The following YAP1 variants were observed in gnomAD, a reference collection of about 807,000 sequenced individuals.
YAP1 encodes the protein Yes1 associated transcriptional regulator, also known as transcriptional coactivator YAP1.
In YAP1, 5 loss-of-function variants were observed where a neutral mutation model predicts 56.9. The ratio of observed to expected loss-of-function variants is 0.09; its 90% confidence interval spans 0.05 to 0.18. The LOEUF is 0.18. YAP1 is among the 10% of genes least tolerant of loss of function. The pLI is 1.00. For missense variants in YAP1, 539 were observed against 651.8 expected (o/e 0.83, Z 1.88); for synonymous variants, 265 against 248.1 (o/e 1.07, Z -0.64).
chr11:102,129,118 A>G lies in YAP1; in HGVS notation c.572+14724A>G, dbSNP rs117065739. ...CAGTATACTGCATAAGTTAACCCTG[A>G]GATGTGTTTAACTGAGTTTTATCTC... On this transcript the variant is annotated intron_variant, in intron 2 of 8. Coordinates refer to ENST00000282441, the MANE Select transcript of YAP1 (RefSeq NM_001130145.3). 8.8e-3 allele frequency among the ~76,000 whole-genome samples: 1,343 copies of G among 152,290 alleles called. 8 individuals are homozygous for G. The highest frequency in any genetic ancestry group is 0.013 in the Non-Finnish European group (884 of 68,006).
chr11:102,122,907 A>AAAAAAAAAAAAAAAAAAAAAC (rs1943763336), intron 2 of YAP1, among the ~76,000 whole-genome samples: 1 of 150,868 alleles, frequency 6.6e-6, no homozygotes, highest in African/African-American at 2.4e-5. Flanking sequence ...AAAAAAAAAA[A>AAAAAAAAAAAAAAAAAAAAAC]AAAAAAAAAG....
intron 2 of YAP1, among the ~76,000 whole-genome samples, chr11:102,122,141 C>G (rs1225021917): frequency 6.6e-6 from 1 of 152,138 alleles, no homozygotes; most frequent in Non-Finnish European, 1.5e-5. Flanking sequence ...GAAAGGGGGC[C>G]TGGCGCAGTG....
chr11:102,144,867 C>T (rs1945232158), intron 2 of YAP1, among the ~76,000 whole-genome samples: 1 of 104,496 alleles, frequency 9.6e-6, no homozygotes, highest in Non-Finnish European at 2.4e-5. Context: ...CACACACACA[C>T]ACACACACAC....
At chr11:102,211,035 G>A (rs999226781) in intron 6 of YAP1, among the ~76,000 whole-genome samples, 8 of 152,158 alleles carry the variant, frequency 5.3e-5, no homozygotes, top group African/African-American at 1.4e-4. Flanking sequence ...GATTACAGGC[G>A]TGAGCCACCA....
rs1168165095 is a variant in YAP1, at chr11:102,231,700, T to A, written c.*1760T>A. Reference sequence around the variant, plus strand: ...GGTTGTGAATTAAAGTGGCACCAGCTAGCACCTCTGTGTTTTAAGGGTCTT... The same window carrying A: ...GGTTGTGAATTAAAGTGGCACCAGCAAGCACCTCTGTGTTTTAAGGGTCTT... On this transcript the variant is annotated 3_prime_UTR_variant, in exon 9 of 9. Coordinates refer to ENST00000282441, the MANE Select transcript of YAP1 (RefSeq NM_001130145.3). The A allele has an allele frequency of 2.6e-5, 4 of 152,734 alleles. No individual in the cohort carries two copies. The highest frequency in any genetic ancestry group is 7.2e-5 in the African/African-American group (3 of 41,580). 9.5% of individuals were successfully genotyped at this position (152,734 alleles called of 1,614,324 possible).
At position 102,229,749 on chromosome 11, in the gene YAP1, C is replaced by G. The variant is rs768607921; in HGVS notation, c.1324C>G (p.Pro442Ala). 3 of 1,614,128 alleles carry G rather than the reference C, an allele frequency of 1.9e-6. No homozygotes were observed. The highest frequency in any genetic ancestry group is 1.6e-4 in the Middle Eastern group (1 of 6,062). Residue 442 changes from proline (P) to alanine (A), a missense_variant, in exon 9 of 9, where the codon CCA (proline) becomes GCA (alanine). Physicochemically the swap from Pro to Ala is conservative, Grantham distance 27 (BLOSUM62 -1). Transcript: ENST00000282441. ...CCTGCCCTCACAGCAGAACCGTTTC[C>G]CAGACTACCTTGAAGCCATTCCTGG... ...STLPSQQNRF[P>A]DYLEAIPGTN... is the part of the protein sequence containing the mutation.
chr11:102,196,205 TTGGGAACGTATGTCTCCACGTTG>T (rs764149115), intron 4 of YAP1, among the ~76,000 whole-genome samples: 65 of 152,204 alleles, frequency 4.3e-4, no homozygotes, highest in Non-Finnish European at 7.8e-4. Flanking sequence ...GGCTAAAGAA[TTGGGAACGTATGTCTCCACGTTG>T]TGGGAACGTA....
At chr11:102,122,848 G>C (rs907387818) in intron 2 of YAP1, among the ~76,000 whole-genome samples, 4 of 133,142 alleles carry the variant, frequency 3.0e-5, no homozygotes, top group Non-Finnish European at 6.2e-5. Flanking sequence ...AGTGAATCGA[G>C]ATCGAGCATT....
intron 2 of YAP1, among the ~76,000 whole-genome samples, chr11:102,149,499 A>G (rs1319666928): frequency 6.6e-6 from 1 of 152,218 alleles, no homozygotes; most frequent in Non-Finnish European, 1.5e-5. Context: ...AAAGACTAAC[A>G]TCAGTTATGT....
At chr11:102,199,304 G>C (rs950060561) in intron 4 of YAP1, among the ~76,000 whole-genome samples, 11 of 152,118 alleles carry the variant, frequency 7.2e-5, no homozygotes, top group African/African-American at 2.7e-4. Flanking sequence ...GACTCTAAAG[G>C]CTGTGTTTTT....
intron 2 of YAP1, among the ~76,000 whole-genome samples, chr11:102,121,697 G>A (rs1943664511): frequency 1.3e-5 from 2 of 152,188 alleles, no homozygotes; most frequent in Admixed American, 1.3e-4. Flanking sequence ...GCTGTTTCAA[G>A]CATCCACTGT....
intron 3 of YAP1, among the ~76,000 whole-genome samples, chr11:102,168,961 G>T (rs931037166): frequency 6.6e-6 from 1 of 152,160 alleles, no homozygotes; most frequent in Non-Finnish European, 1.5e-5. Context: ...GGTAATTCCT[G>T]CTTTATGTGC....
chr11:102,189,016 G>T (rs1948137711), intron 4 of YAP1, among the ~76,000 whole-genome samples: 2 of 152,042 alleles, frequency 1.3e-5, no homozygotes, highest in Admixed American at 6.5e-5. Context: ...ACATCAGATG[G>T]CAATAAGGAT....
chr11:102,220,876 A>G (rs774210955), intron 6 of YAP1, among the ~76,000 whole-genome samples: 1 of 152,222 alleles, frequency 6.6e-6, no homozygotes, highest in Non-Finnish European at 1.5e-5. Context: ...CATTTCAACA[A>G]TGGGTTATTA....
At chr11:102,158,899 T>C (rs531958520) in intron 2 of YAP1, among the ~76,000 whole-genome samples, 2 of 152,336 alleles carry the variant, frequency 1.3e-5, no homozygotes, top group South Asian at 4.1e-4. Flanking sequence ...ATCAAGAATT[T>C]GAAGTGTGTT....
In YAP1 at chr11:102,223,600, C is replaced by T. The variant is rs200209999; in HGVS notation, c.1033-22C>T. The T allele has an allele frequency of 1.2e-4, 196 of 1,609,108 alleles. No individual in the cohort carries two copies. The African/African-American group carries it at 2.3e-3, about 19-fold the overall frequency. Reference sequence around the variant, plus strand: ...ATGTGTTAATCAGTAGATTGATTCTCTTTGGCTTTATTTTTAATTAGGAGT... The same window carrying T: ...ATGTGTTAATCAGTAGATTGATTCTTTTTGGCTTTATTTTTAATTAGGAGT... On this transcript the variant is annotated intron_variant, in intron 6 of 8. Coordinates refer to ENST00000282441, the MANE Select transcript of YAP1 (RefSeq NM_001130145.3).
At chr11:102,202,410 A>C (rs1412652264) in intron 4 of YAP1, among the ~76,000 whole-genome samples, 1 of 146,800 alleles carries the variant, frequency 6.8e-6, no homozygotes, top group Non-Finnish European at 1.5e-5. Flanking sequence ...TGATCTTCTG[A>C]CCTCGTGATC....
At chr11:102,114,074 A>C (rs569555049) in intron 1 of YAP1, 70 bp from the exon 2 acceptor site, 1 of 1,486,626 alleles carries the variant, frequency 6.7e-7, no homozygotes, top group Non-Finnish European at 9.0e-7. Flanking sequence ...TTAAGCGCTG[A>C]CTGGGAAATT....
At chr11:102,115,327 A>T (rs1591104340) in intron 2 of YAP1, among the ~76,000 whole-genome samples, 1 of 152,210 alleles carries the variant, frequency 6.6e-6, no homozygotes, top group Non-Finnish European at 1.5e-5. Context: ...AAACAGTGTA[A>T]GTTTTGATTC....
Sources: gnomAD v4.1 joint callset for allele counts (sites outside exome capture counted in the v4.1 genomes callset) on GRCh38, gnomAD v4.1.1 for gene constraint, MANE v1.5 for transcripts, NCBI Gene and HGNC (gene_info 2026-07-23, HGNC 2026-07-21) for gene names.